Variants in TRNT1 observed in about 807,000 individuals in gnomAD.
TRNT1 encodes the protein CCA tRNA nucleotidyltransferase 1, mitochondrial.
In TRNT1, 44 loss-of-function variants were observed where a neutral mutation model predicts 45.6. That is an observed-to-expected ratio of 0.97 (90% confidence interval 0.76 to 1.24). The LOEUF is 1.24. Among genes scored for constraint, TRNT1 ranks in the 50% most tolerant of loss-of-function variants. The probability of loss-of-function intolerance (pLI) is 0.00; values close to 1 mark genes in which losing one functional copy is unlikely to be tolerated. For missense variants in TRNT1, 633 were observed against 504.4 expected (o/e 1.25, Z -2.44); for synonymous variants, 201 against 171.4 (o/e 1.17, Z -1.35).
In TRNT1 at chr3:3,129,147, A is replaced by T. The variant is rs138682354; in HGVS notation, c.107A>T (p.Glu36Val). ...TTCACAATGAAGTTGCAGTCTCCCG[A>T]ATTCCAGTCACTTTTCACAGAAGGA... ...YLFTMKLQSPEFQSLFTEGLK... is the reference protein window; with the variant it reads ...YLFTMKLQSPVFQSLFTEGLK... Residue 36 changes from glutamate to valine, a missense_variant, in exon 2 of 8, where the codon GAA becomes GTA. Transcript: ENST00000251607. 2.0e-4 allele frequency: 322 copies of T among 1,614,184 alleles called. No homozygotes were observed. Among genetic ancestry groups the T allele is most frequent in the Non-Finnish European group, 2.6e-4 (311 of 1,180,032 alleles).
intron 2 of TRNT1, among the ~76,000 whole-genome samples, chr3:3,133,417 G>T (rs148784874): frequency 0.029 from 4,382 of 152,090 alleles, 114 homozygotes; most frequent in African/African-American, 0.064. Context: ...AATTTAGCCA[G>T]TTACAGTGAT....
intron 4 of TRNT1, among the ~76,000 whole-genome samples, chr3:3,142,050 A>G (rs1414802294): frequency 1.3e-5 from 2 of 152,194 alleles, no homozygotes; most frequent in Non-Finnish European, 2.9e-5. Flanking sequence ...GGCCTAGGCA[A>G]TATATGACCA....
In TRNT1 at chr3:3,136,560, T is replaced by G. The variant is rs975145185; in HGVS notation, c.149-700T>G. Reference sequence around the variant, plus strand: ...AACATCCTGCCTCAACATCTATCTGTAAACACAGAGAAATACAAGAACATG... The same window carrying G: ...AACATCCTGCCTCAACATCTATCTGGAAACACAGAGAAATACAAGAACATG... On this transcript the variant is annotated intron_variant, in intron 2 of 7. Transcript: ENST00000251607. The G allele has an allele frequency of 3.2e-5, 13 of 404,566 alleles. No homozygotes were observed. The East Asian group carries it at 9.2e-4, about 29-fold the overall frequency. 25.1% of individuals were successfully genotyped at this position (404,566 alleles called of 1,614,324 possible).
intron 2 of TRNT1, among the ~76,000 whole-genome samples, chr3:3,133,157 C>A (rs78307472): frequency 9.2e-5 from 14 of 152,066 alleles, no homozygotes; most frequent in African/African-American, 3.4e-4. Flanking sequence ...ATATGAGAGA[C>A]TAGAATAGTG....
At chr3:3,140,150 C>G (rs1201923891) in intron 3 of TRNT1, among the ~76,000 whole-genome samples, 2 of 152,192 alleles carry the variant, frequency 1.3e-5, no homozygotes, top group Non-Finnish European at 2.9e-5. Flanking sequence ...CACCTCTTTG[C>G]AAACTGGAGC....
intron 7 of TRNT1, 62 bp from the exon 8 acceptor site, chr3:3,147,844 A>G (rs1218506055): frequency 1.9e-5 from 29 of 1,545,136 alleles, no homozygotes; most frequent in South Asian, 3.8e-5. Context: ...AAATTTTAGG[A>G]TAAGATTGTA....
At chr3:3,151,316 T>C (rs2126048176), downstream of TRNT1, among the ~76,000 whole-genome samples, 1 of 152,358 alleles carries the variant, frequency 6.6e-6, no homozygotes, top group Non-Finnish European at 1.5e-5. Context: ...AATTTCTTTA[T>C]AGAAATTGCT....
intron 2 of TRNT1, among the ~76,000 whole-genome samples, chr3:3,134,133 A>G (rs537034150): frequency 7.2e-5 from 11 of 152,280 alleles, no homozygotes; most frequent in South Asian, 4.1e-4. Context: ...ATTTAGTTAC[A>G]TTAGGTGTTA....
chr3:3,153,398 T>C (rs761957765), downstream of TRNT1: 2 of 1,240,338 alleles, frequency 1.6e-6, no homozygotes, highest in South Asian at 1.2e-5. Flanking sequence ...AAGGCAAGTA[T>C]ATTAAAAACG....
rs1347257763 is a variant in TRNT1 at position 3,148,933 on chromosome 3, A to G, written c.*779A>G. Reference sequence around the variant, plus strand: ...ATGCCTGTCTTTAAAGTGTTATTTTATTAATTAAAAGGATATGGCTATTAT... The same window carrying G: ...ATGCCTGTCTTTAAAGTGTTATTTTGTTAATTAAAAGGATATGGCTATTAT... On this transcript the variant is annotated 3_prime_UTR_variant, in exon 8 of 8. Transcript: ENST00000251607. 1 of 147,142 alleles carries G rather than the reference A, an allele frequency of 6.8e-6. No homozygotes were observed. The highest frequency in any genetic ancestry group is 1.5e-5 in the Non-Finnish European group (1 of 66,424). The allele number at this position is 147,142 out of a possible 1,614,324, so 9.1% of individuals were successfully genotyped here.
At chr3:3,139,958 A>T (rs964542784) in intron 3 of TRNT1, among the ~76,000 whole-genome samples, 3 of 152,078 alleles carry the variant, frequency 2.0e-5, no homozygotes, top group African/African-American at 7.2e-5. Flanking sequence ...TGAACTCCTG[A>T]GCTCAAGTCA....
At chr3:3,150,594 C>T (rs2126046379), downstream of TRNT1, 4 of 359,476 alleles carry the variant, frequency 1.1e-5, no homozygotes, top group South Asian at 2.8e-5. Context: ...TGACATGCTA[C>T]CAGACATATC....
downstream of TRNT1, among the ~76,000 whole-genome samples, chr3:3,151,916 G>T (rs1669343): frequency 2.0e-5 from 3 of 152,066 alleles, no homozygotes; most frequent in Non-Finnish European, 4.4e-5. Context: ...AACATTCTCC[G>T]GTTTTACATT....
rs150530824 is a variant in TRNT1 at position 3,147,902 on chromosome 3, G to A, written c.1057-4G>A. 28 of 1,603,696 alleles carry A rather than the reference G, an allele frequency of 1.7e-5. No homozygotes were observed. The African/African-American group carries it at 2.4e-4, about 14-fold the overall frequency. On this transcript the variant is annotated splice_region_variant and splice_polypyrimidine_tract_variant and intron_variant, in intron 7 of 7. Coordinates refer to ENST00000251607, the MANE Select transcript of TRNT1 (RefSeq NM_182916.3). ...GAAACTAAATGTTTGATTTTGACAC[G>A]TAGTCTAGGGAACCTGATGCAACTA...
At chr3:3,130,043 G>A in intron 2 of TRNT1, 2 of 1,359,460 alleles carry the variant, frequency 1.5e-6, no homozygotes, top group African/African-American at 2.9e-5. Flanking sequence ...GTAGCTTCTT[G>A]CTGTTGCCAC....
downstream of TRNT1, chr3:3,150,808 A>G (rs1706477407): frequency 6.5e-7 from 1 of 1,539,438 alleles, no homozygotes; most frequent in African/African-American, 1.4e-5. Flanking sequence ...ATAATTTCCA[A>G]AGCAGATCTT....
intron 3 of TRNT1, among the ~76,000 whole-genome samples, chr3:3,138,149 C>T (rs1010543659): frequency 1.3e-5 from 2 of 152,148 alleles, no homozygotes; most frequent in African/African-American, 2.4e-5. Flanking sequence ...TGTTAAGCCT[C>T]CTGTTTCCTG....
chr3:3,127,296 C>T (rs1559210146), intron 1 of TRNT1: 1 of 152,284 alleles, frequency 6.6e-6, no homozygotes, highest in Non-Finnish European at 1.5e-5. Flanking sequence ...GGGGGTGAGA[C>T]GCGCCTTTTC....
At chr3:3,150,906 C>T (rs763657143), downstream of TRNT1, 2 of 1,613,954 alleles carry the variant, frequency 1.2e-6, no homozygotes, top group South Asian at 2.2e-5. Flanking sequence ...ATTTCATCTT[C>T]AGTGTCTGGG....
Sources: allele counts gnomAD v4.1 joint callset (sites outside exome capture counted in the v4.1 genomes callset), GRCh38; gene constraint gnomAD v4.1.1; transcripts MANE v1.5; gene names NCBI Gene and HGNC (gene_info 2026-07-23, HGNC 2026-07-21).